Variants in SDK1 observed in about 807,000 individuals in gnomAD.
SDK1 encodes sidekick cell adhesion molecule 1.
A neutral mutation model predicts 245.5 loss-of-function variants in SDK1; 157 were observed. That is an observed-to-expected ratio of 0.64 (90% CI 0.56 to 0.73). SDK1 has a LOEUF of 0.73. Ranked by LOEUF, SDK1 falls within the 30% of genes least tolerant of loss-of-function variation. The probability of loss-of-function intolerance (pLI) is 0.00; values close to 1 mark genes in which losing one functional copy is unlikely to be tolerated. For missense variants in SDK1, 3,583 were observed against 3,002.3 expected (o/e 1.19, Z -4.52); for synonymous variants, 1,647 against 1,278.5 (o/e 1.29, Z -6.15).
intron 1 of SDK1, among the ~76,000 whole-genome samples, chr7:3,584,656 G>A (rs1229569534): frequency 6.6e-6 from 1 of 152,140 alleles, no homozygotes. Context: ...GTGCTTGGGC[G>A]TGTCCGCTGA....
At chr7:4,219,126 G>A (rs980120712) in intron 38 of SDK1, among the ~76,000 whole-genome samples, 4 of 152,202 alleles carry the variant, frequency 2.6e-5, no homozygotes, top group African/African-American at 4.8e-5. Flanking sequence ...CCTCTGAATC[G>A]AGGCATCAAT....
At chr7:3,919,808 C>T (rs1406529855) in intron 5 of SDK1, among the ~76,000 whole-genome samples, 4 of 152,130 alleles carry the variant, frequency 2.6e-5, no homozygotes, top group Non-Finnish European at 5.9e-5. Flanking sequence ...CTGCGTGAGA[C>T]ACCGGGCTGC....
chr7:3,725,440 G>C lies in SDK1; in HGVS notation c.713+83335G>C, dbSNP rs538748052. On this transcript the variant is annotated intron_variant, in intron 4 of 44. Transcript: ENST00000404826. The stretch of plus-strand genomic sequence containing the variant: ...TGCAATCAGAACATTGTGTAGGTTT[G>C]ATAAATTTCATGTTTTTCAAAAAAA... Among the ~76,000 whole-genome samples the C allele has an allele frequency of 8.5e-5, 13 of 152,082 alleles. No individual in the cohort carries two copies. The South Asian group carries it at 2.3e-3, about 27-fold the overall frequency.
At chr7:3,354,730 T>A (rs577622999) in intron 1 of SDK1, among the ~76,000 whole-genome samples, 11 of 152,358 alleles carry the variant, frequency 7.2e-5, no homozygotes, top group African/African-American at 2.6e-4. Context: ...CTAGCTAATA[T>A]GTTAACCCCT....
chr7:4,051,376 G>A (rs1009196342), intron 18 of SDK1, among the ~76,000 whole-genome samples: 3 of 149,556 alleles, frequency 2.0e-5, no homozygotes, highest in East Asian at 1.9e-4. Context: ...TTGAGGGAGT[G>A]TCCATTATTC....
At chr7:3,469,402 G>A (rs1321756836) in intron 1 of SDK1, among the ~76,000 whole-genome samples, 2 of 152,158 alleles carry the variant, frequency 1.3e-5, no homozygotes, top group Non-Finnish European at 2.9e-5. Context: ...CTGTACTCCA[G>A]CCTGGGTGAC....
intron 2 of SDK1, among the ~76,000 whole-genome samples, chr7:3,625,074 G>A (rs1240499010): frequency 2.0e-5 from 3 of 151,978 alleles, no homozygotes; most frequent in Admixed American, 2.0e-4. Flanking sequence ...ATATTCAAAT[G>A]AGTTCTCAAA....
chr7:4,149,269 G>A lies in SDK1; in HGVS notation c.4431G>A (p.Pro1477=), dbSNP rs780338221. ...GTCCTCATTTGGTTGCAGAGCGGCCGGCACCCCCCAGAGAGCTCCTGGTGC... is the reference window on the plus strand; with the variant it reads ...GTCCTCATTTGGTTGCAGAGCGGCCAGCACCCCCCAGAGAGCTCCTGGTGC... ...TVITTEKRER[P]APPRELLVPQ... Residue 1477 remains proline (P), a synonymous_variant, in exon 30 of 45, where the codon CCG becomes CCA. Coordinates refer to ENST00000404826, the MANE Select transcript of SDK1 (RefSeq NM_152744.4). The A allele has an allele frequency of 5.3e-6, 8 of 1,522,244 alleles. No homozygotes were observed. The highest frequency in any genetic ancestry group is 2.4e-5 in the East Asian group (1 of 40,854). The allele number at this position is 1,522,244 out of a possible 1,614,324, so 94.3% of individuals were successfully genotyped here.
rs762189950 is a variant in SDK1 at position 4,110,726 on chromosome 7, G to T, written c.3388G>T (p.Ala1130Ser). The T allele has an allele frequency of 6.2e-7, 1 of 1,613,910 alleles. No individual in the cohort carries two copies. The highest frequency in any genetic ancestry group is 1.3e-5 in the African/African-American group (1 of 74,902). ...CTATGAAGAGGAGAATGAGCCTGAT[G>T]CCCAGATGCTGGAGATCCCAAACCT... Reference protein sequence around the residue: ...TLYEEENEPDAQMLEIPNLTP... With the variant: ...TLYEEENEPDSQMLEIPNLTP... Residue 1130 changes from alanine to serine, a missense_variant, in exon 23 of 45, where the codon GCC becomes TCC. Ala to Ser is a moderately conservative substitution (Grantham distance 99). Coordinates refer to ENST00000404826, the MANE Select transcript of SDK1 (RefSeq NM_152744.4).
chr7:3,518,907 C>T (rs1201715940), intron 1 of SDK1, among the ~76,000 whole-genome samples: 1 of 151,402 alleles, frequency 6.6e-6, no homozygotes, highest in African/African-American at 2.4e-5. Context: ...TGTCCAACAA[C>T]AGATGAATGG....
At chr7:3,891,090 C>T (rs528563444) in intron 5 of SDK1, among the ~76,000 whole-genome samples, 8 of 152,218 alleles carry the variant, frequency 5.3e-5, no homozygotes, top group South Asian at 2.1e-4. Flanking sequence ...CTTCAAGCAC[C>T]GGAATAGAAC....
chr7:4,185,749 T>C (rs916212080), intron 35 of SDK1, among the ~76,000 whole-genome samples: 1 of 151,966 alleles, frequency 6.6e-6, no homozygotes, highest in Admixed American at 6.6e-5. Flanking sequence ...CAGGGACCCC[T>C]CTTATCCCCA....
At chr7:3,723,917 T>C (rs1778919925) in intron 4 of SDK1, among the ~76,000 whole-genome samples, 3 of 132,644 alleles carry the variant, frequency 2.3e-5, no homozygotes, top group African/African-American at 6.5e-5. Flanking sequence ...TACATATATA[T>C]ATACACGTAT....
intron 22 of SDK1, among the ~76,000 whole-genome samples, chr7:4,082,450 G>A (rs1383729477): frequency 2.6e-5 from 4 of 151,140 alleles, no homozygotes; most frequent in Admixed American, 6.6e-5. Context: ...CAGGAGAATC[G>A]CTTGAACCTG....
chr7:3,992,733 T>G (rs1784435840), intron 14 of SDK1, among the ~76,000 whole-genome samples: 1 of 152,138 alleles, frequency 6.6e-6, no homozygotes, highest in African/African-American at 2.4e-5. Context: ...GATTACTGAG[T>G]GTCTCATCTA....
intron 5 of SDK1, among the ~76,000 whole-genome samples, chr7:3,837,904 C>T (rs1562480742): frequency 1.3e-5 from 2 of 152,186 alleles, no homozygotes; most frequent in Admixed American, 6.5e-5. Context: ...CATGACCCAT[C>T]ATTGAGCTTT....
At chr7:3,495,870 G>C (rs529063495) in intron 1 of SDK1, among the ~76,000 whole-genome samples, 1 of 152,166 alleles carries the variant, frequency 6.6e-6, no homozygotes, top group Non-Finnish European at 1.5e-5. Context: ...AGATGCCAGC[G>C]GTCTCCTGAG....
intron 5 of SDK1, among the ~76,000 whole-genome samples, chr7:3,897,773 G>A (rs1781651744): frequency 6.6e-6 from 1 of 151,856 alleles, no homozygotes; most frequent in South Asian, 2.1e-4. Context: ...GTGTTATAAT[G>A]GGAAGAAGAT....
At chr7:3,644,064 G>A (rs747852379) in intron 4 of SDK1, among the ~76,000 whole-genome samples, 2 of 150,616 alleles carry the variant, frequency 1.3e-5, no homozygotes, top group African/African-American at 4.9e-5. Context: ...CACCATCCCC[G>A]GCTAATTTTT....
Sources: gnomAD v4.1 joint callset for allele counts (sites outside exome capture counted in the v4.1 genomes callset) on GRCh38, gnomAD v4.1.1 for gene constraint, MANE v1.5 for transcripts, NCBI Gene and HGNC (gene_info 2026-07-23, HGNC 2026-07-21) for gene names.